The following NEK4 variants were observed in gnomAD, a reference collection of about 807,000 sequenced individuals.
The protein encoded by NEK4 is serine/threonine-protein kinase Nek4.
In NEK4, 86 loss-of-function variants were observed where a neutral mutation model predicts 98.4. The observed-to-expected ratio is 0.87, with a 90% confidence interval of 0.73 to 1.05. The LOEUF (loss-of-function observed/expected upper bound fraction) is 1.05. NEK4 is among the 50% of genes least tolerant of loss of function. The pLI is 0.00. For missense variants in NEK4, 898 were observed against 950.3 expected, an observed-to-expected ratio of 0.94 and a Z score of 0.72; for synonymous variants, 328 against 342.2, an observed-to-expected ratio of 0.96 and a Z score of 0.46.
At chr3:52,723,181 A>G (rs985892205) in intron 15 of NEK4, among the ~76,000 whole-genome samples, 1 of 152,186 alleles carries the variant, frequency 6.6e-6, no homozygotes, top group Non-Finnish European at 1.5e-5. Context: ...CTCCAGATAG[A>G]ATGAGACCCT....
intron 11 of NEK4, 121 bp downstream of exon 11, chr3:52,744,118 G>A (rs923374750): frequency 2.2e-5 from 16 of 741,428 alleles, no homozygotes; most frequent in Non-Finnish European, 3.4e-5. Flanking sequence ...TTTCCAACTC[G>A]ATTTCCTACA....
At position 52,711,750 on chromosome 3, in the gene NEK4, ATTC is replaced by A. The variant is rs1294152618; in HGVS notation, c.*24_*26del. 1 of 1,470,752 alleles carries A rather than the reference ATTC, an allele frequency of 6.8e-7. No homozygotes were observed. Among genetic ancestry groups the A allele is most frequent in the African/African-American group, 1.4e-5 (1 of 71,990 alleles). 91.1% of individuals were successfully genotyped at this position (1,470,752 alleles called of 1,614,324 possible). A position where few individuals can be genotyped will look rare whatever the true frequency, so the allele number is the denominator to read the frequency against. On this transcript the variant is annotated 3_prime_UTR_variant, in exon 16 of 16. Coordinates refer to ENST00000233027, the MANE Select transcript of NEK4 (RefSeq NM_003157.6). ...AAAATCCTCTAAAAATAGGTCTTTA[ATTC>A]TGGCAGCAGATTAGGACAAATGCTC...
At chr3:52,734,435 A>G (rs1468460565) in intron 15 of NEK4, among the ~76,000 whole-genome samples, 2 of 141,706 alleles carry the variant, frequency 1.4e-5, no homozygotes, top group East Asian at 2.1e-4. Flanking sequence ...GCTAGGTAAC[A>G]GAGTGAGACT....
At chr3:52,721,237 G>A (rs977184544) in intron 15 of NEK4, among the ~76,000 whole-genome samples, 1 of 152,208 alleles carries the variant, frequency 6.6e-6, no homozygotes, top group African/African-American at 2.4e-5. Context: ...ACTGATAGCT[G>A]ATTGCTGCTT....
chr3:52,740,022 C>T (rs187095167), intron 13 of NEK4, among the ~76,000 whole-genome samples: 30 of 152,244 alleles, frequency 2.0e-4, no homozygotes, highest in Admixed American at 7.2e-4. Context: ...AAAGAAACAG[C>T]CCCAGATTCT....
At chr3:52,753,934 C>A (rs2097410143) in intron 6 of NEK4, 1 of 304,572 alleles carries the variant, frequency 3.3e-6, no homozygotes, top group African/African-American at 2.2e-5. Context: ...CTTTGAGAGT[C>A]CGAGGCGGTG....
intron 14 of NEK4, 117 bp from the exon 15 acceptor site, chr3:52,737,836 C>CG: frequency 1.3e-6 from 1 of 774,022 alleles, no homozygotes; most frequent in Non-Finnish European, 1.9e-6. Flanking sequence ...ATTTTTGAGA[C>CG]GGAGTCTTGC....
intron 6 of NEK4, 84 bp downstream of exon 6, chr3:52,760,711 C>T (rs1698322242): frequency 2.2e-6 from 2 of 892,978 alleles, no homozygotes; most frequent in South Asian, 2.9e-5. Flanking sequence ...AAAGCATAAT[C>T]ATTTCACACA....
intron 10 of NEK4, 82 bp from the exon 11 acceptor site, chr3:52,744,387 A>G: frequency 8.9e-7 from 1 of 1,120,120 alleles, no homozygotes; most frequent in Non-Finnish European, 1.4e-6. Flanking sequence ...ATCATTCAGC[A>G]TTAAGAAAAA....
Position 52,711,666 on chromosome 3 carries a change from G to C in NEK4, c.*111C>G. The C allele has an allele frequency of 1.5e-6, 1 of 658,788 alleles. No homozygotes were observed. The highest frequency in any genetic ancestry group is 2.7e-6 in the Non-Finnish European group (1 of 364,526). 40.8% of individuals were successfully genotyped at this position (658,788 alleles called of 1,614,324 possible). On this transcript the variant is annotated 3_prime_UTR_variant, in exon 16 of 16. Transcript: ENST00000233027. ...GGAAACGCCAAAGAGATATAAAAAA[G>C]AGATATAAAACAGTGGTGAGTGGCT...
chr3:52,709,464 T>G lies in NEK4; in HGVS notation c.*2313A>C, dbSNP rs985962607. On this transcript the variant is annotated 3_prime_UTR_variant, in exon 16 of 16. Transcript: ENST00000233027. ...GTTCATGCCTATAATCCCAGCACTT[T>G]CAGAGGCCGATGCAGGAGGACTGCT... The G allele has an allele frequency of 6.6e-6, 1 of 151,572 alleles. No individual in the cohort carries two copies. The highest frequency in any genetic ancestry group is 2.4e-5 in the African/African-American group (1 of 41,220). 9.4% of individuals were successfully genotyped at this position (151,572 alleles called of 1,614,324 possible).
At chr3:52,733,303 G>A (rs2154102992) in intron 15 of NEK4, 2 of 351,362 alleles carry the variant, frequency 5.7e-6, no homozygotes, top group Middle Eastern at 4.1e-4. Flanking sequence ...GTCACAAGGT[G>A]TTTAACAGCA....
At position 52,739,414 on chromosome 3, in the gene NEK4, T is replaced by A. The variant is rs754930760; in HGVS notation, c.2299+15A>T. ...ACTCCGTCTAAAAAACAAAAAATAATAATAAGCTGATCACCTGAAGGTAGC... is the reference window on the plus strand; with the variant it reads ...ACTCCGTCTAAAAAACAAAAAATAAAAATAAGCTGATCACCTGAAGGTAGC... On this transcript the variant is annotated intron_variant, in intron 14 of 15. Coordinates refer to ENST00000233027, the MANE Select transcript of NEK4 (RefSeq NM_003157.6). 6.2e-7 allele frequency: 1 copy of A among 1,610,020 alleles called. No homozygotes were observed. The highest frequency in any genetic ancestry group is 1.7e-5 in the Admixed American group (1 of 59,956).
intron 13 of NEK4, among the ~76,000 whole-genome samples, chr3:52,740,731 G>A (rs537681229): frequency 6.6e-6 from 1 of 152,228 alleles, no homozygotes; most frequent in East Asian, 1.9e-4. Flanking sequence ...GGCAGAGGTT[G>A]CAGTGAGCCA....
At chr3:52,715,669 G>GT (rs2097354510) in intron 15 of NEK4, among the ~76,000 whole-genome samples, 1 of 152,132 alleles carries the variant, frequency 6.6e-6, no homozygotes. Flanking sequence ...GATTACAGGC[G>GT]TGAGCTACCA....
chr3:52,739,228 G>A (rs1246081426), intron 14 of NEK4, among the ~76,000 whole-genome samples: 2 of 152,036 alleles, frequency 1.3e-5, no homozygotes, highest in South Asian at 2.1e-4. Flanking sequence ...GTGAAACCCC[G>A]CCTCTACCAA....
intron 15 of NEK4, among the ~76,000 whole-genome samples, chr3:52,736,083 T>C (rs534751258): frequency 1.3e-5 from 2 of 152,316 alleles, no homozygotes; most frequent in African/African-American, 4.8e-5. Flanking sequence ...TTACTCTTAT[T>C]TTACTTGGTG....
At chr3:52,763,363 T>C in intron 5 of NEK4, 107 bp downstream of exon 5, 1 of 1,180,792 alleles carries the variant, frequency 8.5e-7, no homozygotes, top group Non-Finnish European at 1.2e-6. Context: ...ATTTTATTTC[T>C]TGTTTTTAAG....
chr3:52,764,765 C>A (rs1417168659), intron 4 of NEK4, among the ~76,000 whole-genome samples: 1 of 106,172 alleles, frequency 9.4e-6, no homozygotes, highest in African/African-American at 5.4e-5. Context: ...TGCGCATGCA[C>A]ACACACACAC....
Sources: gnomAD v4.1 joint callset for allele counts (sites outside exome capture counted in the v4.1 genomes callset) on GRCh38, gnomAD v4.1.1 for gene constraint, MANE v1.5 for transcripts, NCBI Gene and HGNC (gene_info 2026-07-23, HGNC 2026-07-21) for gene names.